TMC5: variants seen among roughly 807,000 people sequenced by gnomAD.
The protein encoded by TMC5 is transmembrane channel-like protein 5.
A neutral mutation model predicts 110.5 loss-of-function variants in TMC5; 86 were observed. That is an observed-to-expected ratio of 0.78 (90% CI 0.65 to 0.93). TMC5 has a LOEUF of 0.93. Among genes scored for constraint, TMC5 ranks in the 40% least tolerant of loss-of-function variants. The probability of loss-of-function intolerance (pLI) is 0.00; values close to 1 mark genes in which losing one functional copy is unlikely to be tolerated. For missense variants in TMC5, 1,144 were observed against 1,222.8 expected (o/e 0.94, Z 0.96); for synonymous variants, 455 against 439.5 (o/e 1.04, Z -0.44).
intron 15 of TMC5, among the ~76,000 whole-genome samples, chr16:19,486,666 C>T (rs766123785): frequency 6.6e-6 from 1 of 152,186 alleles, no homozygotes; most frequent in Non-Finnish European, 1.5e-5. Context: ...GCATAAGCCA[C>T]CGTTCCTGGC....
chr16:19,456,520 GT>G (rs1967876884), intron 5 of TMC5: 9 of 1,378,768 alleles, frequency 6.5e-6, no homozygotes, highest in Non-Finnish European at 8.4e-6. Flanking sequence ...AGGGAGTTAT[GT>G]TGTGATTTGT....
At chr16:19,462,164 A>G (rs906697178) in intron 6 of TMC5, among the ~76,000 whole-genome samples, 4 of 152,300 alleles carry the variant, frequency 2.6e-5, no homozygotes, top group African/African-American at 4.8e-5. Context: ...TGCCTCTGTC[A>G]CTGAATATGG....
At chr16:19,446,113 GGGAA>G (rs902412911) in intron 4 of TMC5, among the ~76,000 whole-genome samples, 14 of 150,140 alleles carry the variant, frequency 9.3e-5, no homozygotes, top group Non-Finnish European at 2.1e-4. Flanking sequence ...GGGGGAGAGA[GGGAA>G]GGAAGGAAGG....
chr16:19,415,888 TC>T (rs1966874306), upstream of TMC5, among the ~76,000 whole-genome samples: 1 of 152,290 alleles, frequency 6.6e-6, no homozygotes, highest in African/African-American at 2.4e-5. Context: ...TGCTAATACA[TC>T]AAAGATTGGG....
intron 3 of TMC5, 75 bp from the exon 4 acceptor site, chr16:19,444,006 T>C (rs1376529715): frequency 7.8e-7 from 1 of 1,282,436 alleles, no homozygotes; most frequent in African/African-American, 1.5e-5. Flanking sequence ...AATGGATGGA[T>C]GGATGGATGG....
upstream of TMC5, among the ~76,000 whole-genome samples, chr16:19,414,527 T>G (rs9936744): frequency 0.064 from 9,804 of 152,212 alleles, 1,074 homozygotes; most frequent in African/African-American, 0.22. Context: ...TAAAAAGATG[T>G]GACCGTGCTA....
chr16:19,450,331 C>T (rs1245732234), intron 5 of TMC5, among the ~76,000 whole-genome samples: 1 of 152,168 alleles, frequency 6.6e-6, no homozygotes, highest in East Asian at 1.9e-4. Flanking sequence ...CCTTCCAGCA[C>T]CTAGTACAGT....
intron 2 of TMC5, among the ~76,000 whole-genome samples, chr16:19,439,522 A>T (rs1414010714): frequency 6.6e-6 from 1 of 152,200 alleles, no homozygotes; most frequent in Non-Finnish European, 1.5e-5. Flanking sequence ...TAAACAAGAT[A>T]ATTTTATTTC....
Position 19,440,052 on chromosome 16 carries a change from A to G in TMC5, c.14A>G (p.Tyr5Cys), listed in dbSNP as rs566556735. ...GTCCATACCAACATGTCTGCCTACT[A>G]CAGGAATAACTGGTCTGAGGAAGAC... MSAY[Y>C]RNNWSEEDPD... Residue 5 changes from tyrosine (Y) to cysteine (C), a missense_variant, in exon 3 of 22, where the codon TAC becomes TGC. Physicochemically the swap from Tyr to Cys is radical, Grantham distance 194. Coordinates refer to ENST00000542583, the MANE Select transcript of TMC5 (RefSeq NM_001261841.2). 1 of 1,613,348 alleles carries G rather than the reference A, an allele frequency of 6.2e-7. No individual in the cohort carries two copies. Among genetic ancestry groups the G allele is most frequent in the African/African-American group, 1.3e-5 (1 of 74,972 alleles).
rs568889937 is a variant in TMC5 at position 19,451,434 on chromosome 16, T to A, written c.1048+1803T>A. Among the ~76,000 whole-genome samples, 7 of 152,322 alleles carry A rather than the reference T, an allele frequency of 4.6e-5. No homozygotes were observed. The South Asian group carries it at 6.2e-4, about 14-fold the overall frequency. ...ATCACACTGTCTATTTGGTCCCCAC[T>A]GGGGCACAGAATGGCTTTAATTATC... On this transcript the variant is annotated intron_variant, in intron 5 of 21. Coordinates refer to ENST00000542583, the MANE Select transcript of TMC5 (RefSeq NM_001261841.2).
intron 1 of TMC5, among the ~76,000 whole-genome samples, chr16:19,422,807 G>T (rs1465623048): frequency 6.6e-6 from 1 of 152,158 alleles, no homozygotes; most frequent in East Asian, 1.9e-4. Flanking sequence ...AATTAGCTGG[G>T]CGTAGTGGTG....
chr16:19,432,146 T>G (rs1049493665), intron 2 of TMC5, among the ~76,000 whole-genome samples: 1 of 152,316 alleles, frequency 6.6e-6, no homozygotes, highest in African/African-American at 2.4e-5. Context: ...CTCATCCATA[T>G]TCTAGGATGT....
chr16:19,456,131 T>C (rs959788401), intron 5 of TMC5, among the ~76,000 whole-genome samples: 4 of 151,618 alleles, frequency 2.6e-5, no homozygotes, highest in African/African-American at 7.3e-5. Context: ...GGCGTGAACC[T>C]GGGAGGTGGA....
intron 5 of TMC5, among the ~76,000 whole-genome samples, chr16:19,452,624 G>C (rs1476277695): frequency 1.3e-5 from 2 of 152,324 alleles, no homozygotes; most frequent in East Asian, 3.9e-4. Flanking sequence ...GGCTGAGGCA[G>C]GGGAATCACT....
At chr16:19,427,704 A>T (rs558743278) in intron 1 of TMC5, among the ~76,000 whole-genome samples, 2 of 151,834 alleles carry the variant, frequency 1.3e-5, no homozygotes, top group South Asian at 4.2e-4. Context: ...ACATTTTAGG[A>T]TGTTTAACAG....
intron 1 of TMC5, among the ~76,000 whole-genome samples, chr16:19,423,945 G>T (rs1303016058): frequency 6.6e-6 from 1 of 152,070 alleles, no homozygotes; most frequent in African/African-American, 2.4e-5. Flanking sequence ...GTAGAGACAG[G>T]GTTTTGACAT....
intron 5 of TMC5, among the ~76,000 whole-genome samples, chr16:19,455,171 C>T (rs1207639786): frequency 1.3e-5 from 2 of 151,260 alleles, no homozygotes; most frequent in Non-Finnish European, 2.9e-5. Context: ...CTTTTTTTTA[C>T]ATGCGGTGGC....
At chr16:19,468,368 AGGGCTTCCT>A (rs1295324657) in intron 9 of TMC5, among the ~76,000 whole-genome samples, 1 of 152,116 alleles carries the variant, frequency 6.6e-6, no homozygotes, top group African/African-American at 2.4e-5. Context: ...GTGTGTGCTC[AGGGCTTCCT>A]GGGCCTGAGA....
intron 10 of TMC5, among the ~76,000 whole-genome samples, chr16:19,470,499 G>A (rs1968309728): frequency 6.6e-6 from 1 of 152,076 alleles, no homozygotes; most frequent in African/African-American, 2.4e-5. Flanking sequence ...TTTCAACCCA[G>A]AGAAATCTGG....
Sources: allele counts gnomAD v4.1 joint callset (sites outside exome capture counted in the v4.1 genomes callset), GRCh38; gene constraint gnomAD v4.1.1; transcripts MANE v1.5; gene names NCBI Gene and HGNC (gene_info 2026-07-23, HGNC 2026-07-21).